The following NAA35 variants were observed in gnomAD, a reference collection of about 807,000 sequenced individuals.
NAA35 encodes MAK10 homolog, amino-acid N-acetyltransferase subunit.
In NAA35, 18 loss-of-function variants were observed where a neutral mutation model predicts 101.7. That is an observed-to-expected ratio of 0.18 (90% confidence interval 0.12 to 0.26). The LOEUF is 0.26. Ranked by LOEUF, NAA35 falls within the 10% of genes least tolerant of loss-of-function variation. The pLI, the probability that NAA35 is intolerant of heterozygous loss-of-function variation, is 1.00. For missense variants in NAA35, 601 were observed against 886.8 expected (o/e 0.68, Z 4.09); for synonymous variants, 267 against 273.1 (o/e 0.98, Z 0.22).
intron 2 of NAA35, among the ~76,000 whole-genome samples, chr9:85,948,486 T>C (rs1266679956): frequency 6.6e-6 from 1 of 152,190 alleles, no homozygotes; most frequent in Admixed American, 6.5e-5. Flanking sequence ...TGTAACTTCA[T>C]TTTGAGATCT....
In NAA35 at chr9:86,023,846, ATT is replaced by A. The variant is rs1832673023; in HGVS notation, c.*1890_*1891del. ...ATGTGGTTTCCTTTAAGTAGCTTTA[ATT>A]TTTGGTTTTTAGTTTGTTTAGAGAG... On this transcript the variant is annotated 3_prime_UTR_variant, in exon 23 of 23. Transcript: ENST00000361671. Among the ~76,000 whole-genome samples the A allele has an allele frequency of 1.3e-5, 2 of 152,210 alleles. No individual in the cohort carries two copies. The highest frequency in any genetic ancestry group is 4.1e-4 in the South Asian group (2 of 4,830).
intron 13 of NAA35, among the ~76,000 whole-genome samples, 187 bp from the exon 14 acceptor site, chr9:86,007,171 A>G (rs909804485): frequency 3.0e-4 from 46 of 152,234 alleles, no homozygotes; most frequent in Non-Finnish European, 2.8e-4. Flanking sequence ...ATCCTACATC[A>G]GAATTCACCT....
chr9:85,962,506 A>AAAAG (rs1554770465), intron 6 of NAA35, among the ~76,000 whole-genome samples: 7 of 151,660 alleles, frequency 4.6e-5, no homozygotes, highest in Non-Finnish European at 8.8e-5. Context: ...AAAAAAAAAA[A>AAAAG]AAAGAAAGAA....
intron 6 of NAA35, among the ~76,000 whole-genome samples, chr9:85,965,335 C>G (rs926526664): frequency 6.6e-6 from 1 of 152,162 alleles, no homozygotes; most frequent in East Asian, 1.9e-4. Flanking sequence ...CAATCAAGTG[C>G]TTTGCTGCTG....
intron 9 of NAA35, 132 bp downstream of exon 9, chr9:85,976,867 ATTTT>A: frequency 1.6e-6 from 1 of 607,914 alleles, no homozygotes; most frequent in Non-Finnish European, 2.8e-6. Context: ...ATTGCAAGGG[ATTTT>A]ATTTCCCTTG....
At chr9:86,001,038 G>A (rs182556003) in intron 12 of NAA35, among the ~76,000 whole-genome samples, 5 of 152,050 alleles carry the variant, frequency 3.3e-5, no homozygotes, top group Admixed American at 2.6e-4. Flanking sequence ...TATGAATTTC[G>A]TTCTTAACAC....
At chr9:85,987,742 T>C (rs762893669) in intron 11 of NAA35, among the ~76,000 whole-genome samples, 3 of 152,168 alleles carry the variant, frequency 2.0e-5, no homozygotes, top group Non-Finnish European at 4.4e-5. Flanking sequence ...GGAACACTTA[T>C]AACCAGAATC....
In NAA35 at chr9:86,024,704, A is replaced by AT. The variant is rs1348147677; in HGVS notation, c.*2744_*2745insT. Among the ~76,000 whole-genome samples the AT allele has an allele frequency of 6.6e-6, 1 of 152,164 alleles. No homozygotes were observed. The highest frequency in any genetic ancestry group is 1.5e-5 in the Non-Finnish European group (1 of 68,024). On this transcript the variant is annotated 3_prime_UTR_variant, in exon 23 of 23. Transcript: ENST00000361671. ...TTGGCAACTAGACGATGGTGGTGCC[A>AT]CTTGTGTAGATATCTAGGCAAGGTA...
chr9:85,984,332 AAAACAAACAAAC>A (rs60598797), intron 11 of NAA35, among the ~76,000 whole-genome samples: 1 of 151,892 alleles, frequency 6.6e-6, no homozygotes, highest in African/African-American at 2.4e-5. Context: ...CTGTCTTTTT[AAAACAAACAAAC>A]AAACAAACAA....
intron 21 of NAA35, among the ~76,000 whole-genome samples, chr9:86,020,335 T>G (rs1439197201): frequency 6.6e-6 from 1 of 152,230 alleles, no homozygotes; most frequent in Non-Finnish European, 1.5e-5. Flanking sequence ...AAGATGAGTC[T>G]GTGCTCCTAA....
At position 86,024,224 on chromosome 9, in the gene NAA35, A is replaced by G. The variant is rs952981528; in HGVS notation, c.*2264A>G. On this transcript the variant is annotated 3_prime_UTR_variant, in exon 23 of 23. Coordinates refer to ENST00000361671, the MANE Select transcript of NAA35 (RefSeq NM_024635.4). ...TGCCCCACGTGAAACTTTAGGTGAC[A>G]AATCCCCATCGCATCTATTCAGGAG... Among the ~76,000 whole-genome samples, 5 of 152,228 alleles carry G rather than the reference A, an allele frequency of 3.3e-5. No homozygotes were observed. The highest frequency in any genetic ancestry group is 1.2e-4 in the African/African-American group (5 of 41,464).
At chr9:85,953,678 A>C (rs1243577269) in intron 2 of NAA35, among the ~76,000 whole-genome samples, 1 of 151,676 alleles carries the variant, frequency 6.6e-6, no homozygotes, top group Non-Finnish European at 1.5e-5. Context: ...ATCTGCCTGC[A>C]TTGGCCTTCC....
rs1167528409 is a variant in NAA35 at position 86,023,852 on chromosome 9, G to A, written c.*1892G>A. On this transcript the variant is annotated 3_prime_UTR_variant, in exon 23 of 23. Transcript: ENST00000361671. ...TTTCCTTTAAGTAGCTTTAATTTTT[G>A]GTTTTTAGTTTGTTTAGAGAGGAGG... Among the ~76,000 whole-genome samples the A allele has an allele frequency of 1.3e-5, 2 of 152,116 alleles. No homozygotes were observed. The highest frequency in any genetic ancestry group is 2.9e-5 in the Non-Finnish European group (2 of 68,010).
intron 11 of NAA35, among the ~76,000 whole-genome samples, chr9:85,980,298 C>G (rs920103215): frequency 6.6e-6 from 1 of 151,930 alleles, no homozygotes; most frequent in African/African-American, 2.4e-5. Context: ...TTGATTAAAC[C>G]TTTGGCCATT....
chr9:86,018,667 G>T (rs371501846), intron 20 of NAA35, 32 bp from the exon 21 acceptor site: 2 of 1,595,346 alleles, frequency 1.3e-6, no homozygotes, highest in African/African-American at 1.4e-5. Flanking sequence ...CATATTAAAC[G>T]TGTTTTGAAT....
intron 8 of NAA35, among the ~76,000 whole-genome samples, chr9:85,975,823 A>G (rs1052084788): frequency 6.6e-6 from 1 of 152,164 alleles, no homozygotes. Context: ...TCACCTTTGT[A>G]TCTTTAATAG....
chr9:85,956,809 A>G (rs1294227334), intron 3 of NAA35, among the ~76,000 whole-genome samples: 1 of 152,200 alleles, frequency 6.6e-6, no homozygotes, highest in Non-Finnish European at 1.5e-5. Flanking sequence ...GGTAGTTTAT[A>G]AAGAGATTTA....
At chr9:86,014,602 T>C (rs573413565) in intron 17 of NAA35, among the ~76,000 whole-genome samples, 9 of 152,342 alleles carry the variant, frequency 5.9e-5, no homozygotes, top group African/African-American at 1.9e-4. Flanking sequence ...TATTAGACTT[T>C]AATAGAGTTC....
At chr9:86,001,011 A>G (rs1381082715) in intron 12 of NAA35, among the ~76,000 whole-genome samples, 1 of 151,768 alleles carries the variant, frequency 6.6e-6, no homozygotes, top group African/African-American at 2.4e-5. Flanking sequence ...TAACTTTTTG[A>G]TGTGGGCATT....
Sources: gnomAD v4.1 joint callset for allele counts (sites outside exome capture counted in the v4.1 genomes callset) on GRCh38, gnomAD v4.1.1 for gene constraint, MANE v1.5 for transcripts, NCBI Gene and HGNC (gene_info 2026-07-23, HGNC 2026-07-21) for gene names.